Variants in CLASP1 observed in about 807,000 individuals in gnomAD.
The protein encoded by CLASP1 is cytoplasmic linker associated protein 1.
In CLASP1, 38 loss-of-function variants were observed where a neutral mutation model predicts 192.3. The ratio of observed to expected loss-of-function variants is 0.20; its 90% CI spans 0.15 to 0.26. CLASP1 has a LOEUF of 0.26. Among genes scored for constraint, CLASP1 ranks in the 10% least tolerant of loss-of-function variants. The pLI is 1.00. For synonymous variants in CLASP1, 691 were observed against 712.8 expected (o/e 0.97, Z 0.49); for missense variants, 1,433 against 1,932.5 (o/e 0.74, Z 4.85).
intron 7 of CLASP1, among the ~76,000 whole-genome samples, chr2:121,509,844 A>G (rs552650840): frequency 6.6e-6 from 1 of 152,162 alleles, no homozygotes; most frequent in Non-Finnish European, 1.5e-5. Flanking sequence ...CCTCAAAAAA[A>G]TGTTTTTAAT....
At chr2:121,385,386 C>T (rs1055115670) in intron 32 of CLASP1, among the ~76,000 whole-genome samples, 4 of 152,134 alleles carry the variant, frequency 2.6e-5, no homozygotes, top group Non-Finnish European at 5.9e-5. Flanking sequence ...AATATTTAGA[C>T]CACACATGAA....
At chr2:121,344,322 T>C (rs1283621615) in intron 39 of CLASP1, among the ~76,000 whole-genome samples, 2 of 151,914 alleles carry the variant, frequency 1.3e-5, no homozygotes, top group African/African-American at 4.8e-5. Flanking sequence ...TCACTTATTT[T>C]TTTTCTTAAA....
intron 37 of CLASP1, among the ~76,000 whole-genome samples, chr2:121,354,669 A>T: frequency 9.8e-6 from 1 of 101,532 alleles, no homozygotes; most frequent in African/African-American, 1.0e-4. Flanking sequence ...CTCTGTTTTC[A>T]AAACCTGGAG....
At position 121,587,224 on chromosome 2, in the gene CLASP1, C is replaced by T. The variant is rs192981635; in HGVS notation, c.195+18477G>A. Among the ~76,000 whole-genome samples the T allele has an allele frequency of 2.1e-4, 32 of 151,000 alleles. No homozygotes were observed. In the East Asian group the frequency reaches 4.9e-3, roughly 23 times the overall value. ...CCACTGCACTCCAGCCTGGGCAACGCGGCGAGACTCTGTTTCAAAAAAAGA... is the reference window on the plus strand; with the variant it reads ...CCACTGCACTCCAGCCTGGGCAACGTGGCGAGACTCTGTTTCAAAAAAAGA... On this transcript the variant is annotated intron_variant, in intron 2 of 39. Coordinates refer to ENST00000263710, the Ensembl canonical transcript of CLASP1.
chr2:121,427,082 T>G (rs1238732723), intron 21 of CLASP1, among the ~76,000 whole-genome samples: 6 of 151,970 alleles, frequency 3.9e-5, no homozygotes, highest in Non-Finnish European at 8.8e-5. Context: ...ATGAACCACG[T>G]AGGTGAATAC....
At chr2:121,548,672 G>A (rs1262605536) in intron 2 of CLASP1, among the ~76,000 whole-genome samples, 1 of 151,946 alleles carries the variant, frequency 6.6e-6, no homozygotes, top group Non-Finnish European at 1.5e-5. Flanking sequence ...GAAAGGGCAG[G>A]TCACCTACAA....
chr2:121,553,498 T>C (rs1224341021), intron 2 of CLASP1, among the ~76,000 whole-genome samples: 1 of 145,942 alleles, frequency 6.9e-6, no homozygotes, highest in African/African-American at 2.6e-5. Flanking sequence ...GGTCAGGAGA[T>C]AGAGACCATC....
intron 15 of CLASP1, 32 bp from the exon 16 acceptor site, chr2:121,451,022 C>A: frequency 7.2e-7 from 1 of 1,383,106 alleles, no homozygotes; most frequent in South Asian, 1.2e-5. Context: ...CAGTAACAAT[C>A]ATAAATGTAT....
chr2:121,470,078 C>G, intron 8 of CLASP1, 118 bp from the exon 9 acceptor site: 1 of 848,872 alleles, frequency 1.2e-6, no homozygotes, highest in Non-Finnish European at 1.8e-6. Context: ...TCTGCATACT[C>G]TTTTGGAATC....
intron 14 of CLASP1, 37 bp from the exon 15 acceptor site, chr2:121,451,886 A>G (rs1448245019): frequency 7.1e-7 from 1 of 1,416,662 alleles, no homozygotes; most frequent in Admixed American, 2.0e-5. Context: ...TTATTAATAC[A>G]TATTTTAGTG....
chr2:121,566,709 C>T (rs1432719616), intron 2 of CLASP1, among the ~76,000 whole-genome samples: 1 of 152,202 alleles, frequency 6.6e-6, no homozygotes, highest in African/African-American at 2.4e-5. Context: ...ATGCCAAATG[C>T]TCAAACTAGT....
At chr2:121,447,282 G>C (rs2084536935) in intron 19 of CLASP1, 55 bp downstream of exon 19, 1 of 1,471,364 alleles carries the variant, frequency 6.8e-7, no homozygotes, top group Non-Finnish European at 9.3e-7. Flanking sequence ...AAGAGGTTAA[G>C]AGTCATCTCT....
At chr2:121,465,571 A>G (rs1210125721) in intron 9 of CLASP1, among the ~76,000 whole-genome samples, 1 of 152,214 alleles carries the variant, frequency 6.6e-6, no homozygotes, top group Admixed American at 6.5e-5. Flanking sequence ...GGAAGAATCA[A>G]TATTGTGAAA....
At chr2:121,362,654 T>G (rs2066644207) in intron 37 of CLASP1, among the ~76,000 whole-genome samples, 1 of 152,194 alleles carries the variant, frequency 6.6e-6, no homozygotes, top group Non-Finnish European at 1.5e-5. Context: ...GCTGGAATCA[T>G]CCCTGGTCAT....
chr2:121,435,246 GTTTA>G (rs1204897410), intron 19 of CLASP1, among the ~76,000 whole-genome samples: 3 of 152,044 alleles, frequency 2.0e-5, no homozygotes, highest in Non-Finnish European at 2.9e-5. Context: ...ACAAAGCTTG[GTTTA>G]TTTGACTTTA....
At chr2:121,374,288 A>G (rs1259744244) in intron 34 of CLASP1, among the ~76,000 whole-genome samples, 1 of 152,274 alleles carries the variant, frequency 6.6e-6, no homozygotes, top group Non-Finnish European at 1.5e-5. Context: ...GTGGGTATGC[A>G]GAAGGCAAGA....
intron 33 of CLASP1, among the ~76,000 whole-genome samples, chr2:121,379,435 GC>G (rs1174725819): frequency 6.6e-6 from 1 of 152,158 alleles, no homozygotes; most frequent in African/African-American, 2.4e-5. Flanking sequence ...TGACCAAGGG[GC>G]CAGAGGCTCC....
At chr2:121,494,304 G>A (rs2093440448) in intron 8 of CLASP1, among the ~76,000 whole-genome samples, 1 of 152,194 alleles carries the variant, frequency 6.6e-6, no homozygotes, top group South Asian at 2.1e-4. Context: ...GCAACAACAT[G>A]GATGGAACTG....
chr2:121,495,233 G>T (rs953129754), intron 8 of CLASP1, among the ~76,000 whole-genome samples: 6 of 151,818 alleles, frequency 4.0e-5, no homozygotes, highest in Non-Finnish European at 8.8e-5. Flanking sequence ...TGAGGCAGCT[G>T]AATGGCATGA....
Sources: allele counts gnomAD v4.1 joint callset (sites outside exome capture counted in the v4.1 genomes callset), GRCh38; gene constraint gnomAD v4.1.1; transcripts MANE v1.5; gene names NCBI Gene and HGNC (gene_info 2026-07-23, HGNC 2026-07-21).